Variants in COL16A1 observed in about 807,000 individuals in gnomAD.
COL16A1 encodes collagen alpha-1(XVI) chain.
In COL16A1, 189 loss-of-function variants were observed where a neutral mutation model predicts 266.3. The observed-to-expected ratio is 0.71, with a 90% CI of 0.63 to 0.80. COL16A1 has a LOEUF of 0.80. COL16A1 is among the 30% of genes least tolerant of loss of function. The pLI is 0.00. For synonymous variants in COL16A1, 740 were observed against 782.3 expected (o/e 0.95, Z 0.90); for missense variants, 1,928 against 2,122.4 (o/e 0.91, Z 1.80).
Position 31,699,873 on chromosome 1 carries a change from CG to C in COL16A1, c.205del (p.Arg69AlafsTer16). 6.2e-7 allele frequency: 1 copy of C among 1,614,040 alleles called. No homozygotes were observed. The highest frequency in any genetic ancestry group is 8.5e-7 in the Non-Finnish European group (1 of 1,179,948). On this transcript the variant is annotated frameshift_variant, in exon 4 of 71. Coordinates refer to ENST00000373672, the MANE Select transcript of COL16A1 (RefSeq NM_001856.4). LOFTEE classifies it high-confidence loss of function. ...CAGGATGAGAGGCCCCTTGGGGTTGCGGATCTTCTTGATGGCAGACGTCTTC... is the reference window on the plus strand; with the variant it reads ...CAGGATGAGAGGCCCCTTGGGGTTGCGATCTTCTTGATGGCAGACGTCTTC... ...LMKTSAIKKI[R>X]NPKGPLILRL...
At chr1:31,692,361 A>C in intron 16 of COL16A1, 113 bp downstream of exon 16, 1 of 1,468,840 alleles carries the variant, frequency 6.8e-7, no homozygotes, top group Non-Finnish European at 9.1e-7. Context: ...GGGTCCTGCC[A>C]GCTCTGTGCC....
intron 16 of COL16A1, among the ~76,000 whole-genome samples, 178 bp from the exon 17 acceptor site, chr1:31,692,245 C>T (rs1199249184): frequency 6.6e-6 from 1 of 150,922 alleles, no homozygotes; most frequent in Non-Finnish European, 1.5e-5. Context: ...GTAGAACTTC[C>T]AAACCAGCCA....
intron 56 of COL16A1, 134 bp from the exon 57 acceptor site, chr1:31,662,792 A>C: frequency 1.3e-5 from 11 of 851,456 alleles, no homozygotes; most frequent in Non-Finnish European, 2.0e-5. Flanking sequence ...TCTGGGCCCA[A>C]TCTGTCCCTG....
At position 31,696,908 on chromosome 1, in the gene COL16A1, G is replaced by A. The variant is rs892267878; in HGVS notation, c.864+55C>T. On this transcript the variant is annotated intron_variant, in intron 8 of 70. Transcript: ENST00000373672. Reference sequence around the variant, plus strand: ...GGCAGACGTCAGTCAGCTCAGGGGAGGGGTATCTCACTTGTGCCTGCCTGT... The same window carrying A: ...GGCAGACGTCAGTCAGCTCAGGGGAAGGGTATCTCACTTGTGCCTGCCTGT... 6.2e-6 allele frequency: 10 copies of A among 1,607,826 alleles called. No individual in the cohort carries two copies. In the African/African-American group the frequency reaches 1.1e-4, roughly 17 times the overall value.
intron 47 of COL16A1, 150 bp downstream of exon 47, chr1:31,672,266 G>T: frequency 1.3e-6 from 1 of 789,088 alleles, no homozygotes; most frequent in Non-Finnish European, 2.0e-6. Flanking sequence ...TGGGTCCTGT[G>T]TATCCCAGAG....
chr1:31,656,772 TATC>T lies in COL16A1; in HGVS notation c.4056+258_4056+260del, dbSNP rs1482023687. 7.8e-5 allele frequency: 44 copies of T among 561,808 alleles called. 1 individual carries two copies. In the Admixed American group the frequency reaches 1.4e-3, roughly 18 times the overall value. 34.8% of individuals were successfully genotyped at this position (561,808 alleles called of 1,614,324 possible). A position where few individuals can be genotyped will look rare whatever the true frequency, so the allele number is the denominator to read the frequency against. ...GAGATGTTTGTTTGGAATTTATTAT[TATC>T]ATTATTATTGTTGTTGTTGTTGTTT... On this transcript the variant is annotated intron_variant, in intron 65 of 70. Transcript: ENST00000373672. This position sits in a 1 kb window ranked among gnomAD's most constrained non-coding sequence, Gnocchi z 4.2.
chr1:31,696,141 C>A lies in COL16A1; in HGVS notation c.865G>T (p.Val289Leu), dbSNP rs554962991. 1 of 1,613,570 alleles carries A rather than the reference C, an allele frequency of 6.2e-7. No individual in the cohort carries two copies. The highest frequency in any genetic ancestry group is 1.7e-5 in the Admixed American group (1 of 59,990). ...FCLEEPQNSE[V>L]DAQLTGRISQ... ...ATTCTTCCCGTCAGCTGGGCATCCA[C>A]CTGGGCAGACAGAGCAAAGAGAAAC... The change falls in exon 9 of 71, where the codon GTG (valine) becomes TTG (leucine). Residue 289 changes from valine (V) to leucine (L), a missense_variant and splice_region_variant. Val to Leu is a conservative substitution (Grantham distance 32). Around this residue, in one of 2 missense-constraint regions of COL16A1, gnomAD observed 1,552 missense variants for 1,637.2 expected, o/e 0.95. Coordinates refer to ENST00000373672, the MANE Select transcript of COL16A1 (RefSeq NM_001856.4).
Position 31,683,237 on chromosome 1 carries a change from C to G in COL16A1, c.2426G>C (p.Gly809Ala). Residue 809 changes from glycine (G) to alanine (A), a missense_variant, in exon 36 of 71, where the codon GGA becomes GCA. Transcript: ENST00000373672. The part of the protein sequence containing the change: ...PGLPGIQGLP[G>A]PRGPPGPTGE... ...AGTGGGGCCAGGTGGTCCCCGAGGTCCCGGAAGTCCCTGCAGATGGAAGCA... is the reference window on the plus strand; with the variant it reads ...AGTGGGGCCAGGTGGTCCCCGAGGTGCCGGAAGTCCCTGCAGATGGAAGCA... 3.7e-6 allele frequency: 6 copies of G among 1,614,178 alleles called. No individual in the cohort carries two copies. The highest frequency in any genetic ancestry group is 5.1e-6 in the Non-Finnish European group (6 of 1,180,030).
chr1:31,691,576 C>T (rs980812939), intron 18 of COL16A1, 22 bp downstream of exon 18: 1 of 1,613,972 alleles, frequency 6.2e-7, no homozygotes, highest in Non-Finnish European at 8.5e-7. Context: ...CCATCTCCAC[C>T]CCACAAACAT....
At chr1:31,665,502 A>G in intron 55 of COL16A1, 81 bp downstream of exon 55, 1 of 1,611,246 alleles carries the variant, frequency 6.2e-7, no homozygotes, top group Non-Finnish European at 8.5e-7. Context: ...GGACCATCCT[A>G]CCCCAGCCTG....
At chr1:31,658,839 T>G in intron 63 of COL16A1, 75 bp downstream of exon 63, 1 of 1,506,230 alleles carries the variant, frequency 6.6e-7, no homozygotes, top group Non-Finnish European at 9.0e-7. Context: ...TCCCCCCAGC[T>G]TCCTCTGAAT....
chr1:31,653,607 C>T lies in COL16A1; in HGVS notation c.4604G>A (p.Gly1535Asp). ...ATGGTGGTATTTCCTACCTGGGGGG[C>T]CGGGAAGACCATTTTCTCCTGCAAT... Reference protein sequence around the residue: ...IGIAGENGLPGPPGPQGPPGY... With the variant: ...IGIAGENGLPDPPGPQGPPGY... The change falls in exon 70 of 71, where the codon GGC becomes GAC. Residue 1535 changes from glycine (G) to aspartate (D), a missense_variant. This residue lies in a region of COL16A1 where 376 missense variants were observed against 485.2 expected (regional missense o/e 0.77). Coordinates refer to ENST00000373672, the MANE Select transcript of COL16A1 (RefSeq NM_001856.4). 6.2e-7 allele frequency: 1 copy of T among 1,613,698 alleles called. No individual in the cohort carries two copies. Among genetic ancestry groups the T allele is most frequent in the South Asian group, 1.1e-5 (1 of 91,036 alleles).
intron 47 of COL16A1, among the ~76,000 whole-genome samples, chr1:31,672,001 G>A (rs1043966954): frequency 1.3e-5 from 2 of 152,218 alleles, no homozygotes; most frequent in African/African-American, 2.4e-5. Context: ...TTGGTGTTGA[G>A]CTGACACCTG....
Position 31,695,221 on chromosome 1 carries a change from A to G in COL16A1, c.946T>C (p.Cys316Arg). 5 of 1,613,864 alleles carry G rather than the reference A, an allele frequency of 3.1e-6. No homozygotes were observed. The highest frequency in any genetic ancestry group is 4.2e-6 in the Non-Finnish European group (5 of 1,179,990). ...KVHQETAADECPPCVHGARDS... is the reference protein window; with the variant it reads ...KVHQETAADERPPCVHGARDS... ...CGGGCACCATGGACACAGGGCGGAC[A>G]CTGAAAGGGAAGAGCAGGCGAAGAG... Residue 316 changes from cysteine (C) to arginine (R), a missense_variant and splice_region_variant, in exon 11 of 71, where the codon TGT becomes CGT. Around this residue, in one of 2 missense-constraint regions of COL16A1, gnomAD observed 1,552 missense variants for 1,637.2 expected, o/e 0.95. Transcript: ENST00000373672.
In COL16A1 at chr1:31,672,754, A is replaced by G. The variant is rs765783766; in HGVS notation, c.2946T>C (p.Pro982=). ...CGCAGTTGTCGAGGCCTGGCACACCAGGGATGCCCTGGTCTCCCTTCTCTC... is the reference window on the plus strand; with the variant it reads ...CGCAGTTGTCGAGGCCTGGCACACCGGGGATGCCCTGGTCTCCCTTCTCTC... The part of the protein sequence containing the change: ...EKGEKGDQGI[P]GVPGLDNCAQ... The change falls in exon 45 of 71, where the codon CCT becomes CCC. Residue 982 remains proline (P), a synonymous_variant. Transcript: ENST00000373672. 5.6e-6 allele frequency: 9 copies of G among 1,614,008 alleles called. No homozygotes were observed. In the African/African-American group the frequency reaches 1.2e-4, roughly 22 times the overall value.
At chr1:31,684,337 C>T in intron 31 of COL16A1, 106 bp from the exon 32 acceptor site, 1 of 1,445,914 alleles carries the variant, frequency 6.9e-7, no homozygotes, top group Non-Finnish European at 9.1e-7. Flanking sequence ...GCTCCCACGT[C>T]AGCCTGGGAA....
At position 31,656,931 on chromosome 1, in the gene COL16A1, TAC is replaced by T; in HGVS notation, c.4056+100_4056+101del. 3 of 1,520,838 alleles carry T rather than the reference TAC, an allele frequency of 2.0e-6. No individual in the cohort carries two copies. Among genetic ancestry groups the T allele is most frequent in the Non-Finnish European group, 2.7e-6 (3 of 1,097,698 alleles). 94.2% of individuals were successfully genotyped at this position (1,520,838 alleles called of 1,614,324 possible). ...GTTAACAATTTCCAGAGACAGCCCGTACATAGAAGGAATGTTTACTGAAAAAA... is the reference window on the plus strand; with the variant it reads ...GTTAACAATTTCCAGAGACAGCCCGTATAGAAGGAATGTTTACTGAAAAAA... On this transcript the variant is annotated intron_variant, in intron 65 of 70. Transcript: ENST00000373672. This position sits in a 1 kb window ranked among gnomAD's most constrained non-coding sequence, Gnocchi z 4.2.
rs369713954 is a variant in COL16A1 at position 31,691,022 on chromosome 1, C to T, written c.1437+166G>A. On this transcript the variant is annotated intron_variant, in intron 20 of 70. Transcript: ENST00000373672. ...AGTGAGCACTGGGATGGGGACAGGACGCTCCCCGCCAAGGGGCCTGGCCAA... is the reference window on the plus strand; with the variant it reads ...AGTGAGCACTGGGATGGGGACAGGATGCTCCCCGCCAAGGGGCCTGGCCAA... Among the ~76,000 whole-genome samples, 16 of 152,262 alleles carry T rather than the reference C, an allele frequency of 1.1e-4. 1 individual carries two copies. In the East Asian group the frequency reaches 1.6e-3, roughly 15 times the overall value.
chr1:31,695,898 A>C, intron 9 of COL16A1, 111 bp from the exon 10 acceptor site: 1 of 1,054,966 alleles, frequency 9.5e-7, no homozygotes, highest in East Asian at 2.4e-5. Flanking sequence ...AGAGAGTGCC[A>C]GGCACTGCGT....
Sources: allele counts gnomAD v4.1 joint callset (sites outside exome capture counted in the v4.1 genomes callset), GRCh38; gene constraint gnomAD v4.1.1; regional missense constraint gnomAD v4.1.1; non-coding constraint Gnocchi (gnomAD v3.1); transcripts MANE v1.5; gene names NCBI Gene and HGNC (gene_info 2026-07-23, HGNC 2026-07-21).